Variants in CHD7 observed in about 807,000 individuals in gnomAD.
CHD7 encodes the protein ATP-dependent chromatin remodeler CHD7.
CHD7 carries 24 observed loss-of-function variants against 307.3 expected under a neutral mutation model. The observed-to-expected ratio is 0.08, with a 90% CI of 0.06 to 0.11. The LOEUF (loss-of-function observed/expected upper bound fraction) is 0.11, where lower values mean the gene tolerates loss of function less well. Ranked by LOEUF, CHD7 falls within the 10% of genes least tolerant of loss-of-function variation. The pLI, the probability that CHD7 is intolerant of heterozygous loss-of-function variation, is 1.00. For synonymous variants in CHD7, 1,363 were observed against 1,349.9 expected, an observed-to-expected ratio of 1.01 and a Z score of -0.21; for missense variants, 3,106 against 3,727.1, an observed-to-expected ratio of 0.83 and a Z score of 4.34.
intron 2 of CHD7, among the ~76,000 whole-genome samples, chr8:60,764,367 C>G (rs1489356465): frequency 1.3e-5 from 2 of 152,148 alleles, no homozygotes; most frequent in African/African-American, 4.8e-5. Context: ...AAATCACAAG[C>G]CATTTTGAAT....
chr8:60,741,960 G>A lies in CHD7; in HGVS notation c.528G>A (p.Gly176=), dbSNP rs986970598. ...AGCCACCGCAGCCGGCTCCGTCGGG[G>A]CCCCCTGCACAGGGCCACCCTCAGC... is the stretch of plus-strand genomic sequence containing the variant. ...QPQPPQPAPS[G]PPAQGHPQHM... The change falls in exon 2 of 38, where the codon GGG becomes GGA. Residue 176 remains glycine, a synonymous_variant. Coordinates refer to ENST00000423902, the MANE Select transcript of CHD7 (RefSeq NM_017780.4). The A allele has an allele frequency of 1.9e-6, 3 of 1,613,490 alleles. No homozygotes were observed. The highest frequency in any genetic ancestry group is 2.7e-5 in the African/African-American group (2 of 74,898).
At chr8:60,723,101 TTTTA>T (rs1301951590) in intron 1 of CHD7, among the ~76,000 whole-genome samples, 2 of 152,166 alleles carry the variant, frequency 1.3e-5, no homozygotes, top group Admixed American at 6.5e-5. Flanking sequence ...TGCTGGCATA[TTTTA>T]TTTTTTTTAA....
chr8:60,817,253 T>A (rs1803792880), intron 8 of CHD7, among the ~76,000 whole-genome samples: 1 of 152,238 alleles, frequency 6.6e-6, no homozygotes, highest in South Asian at 2.1e-4. Context: ...GATTTATTAG[T>A]TCCTCTTTTC....
chr8:60,782,756 T>C (rs188380312), intron 3 of CHD7, among the ~76,000 whole-genome samples: 128 of 152,312 alleles, frequency 8.4e-4, no homozygotes, highest in South Asian at 5.8e-3. Context: ...TTAAGAAATA[T>C]TAAGTGCTTA....
intron 2 of CHD7, among the ~76,000 whole-genome samples, chr8:60,760,511 A>C (rs1810130505): frequency 7.0e-6 from 1 of 143,124 alleles, no homozygotes; most frequent in African/African-American, 2.6e-5. Context: ...ATTAAACTAA[A>C]GAGCTTCTGC....
chr8:60,760,680 A>G (rs1275639307), intron 2 of CHD7, among the ~76,000 whole-genome samples: 1 of 151,146 alleles, frequency 6.6e-6, no homozygotes, highest in Non-Finnish European at 1.5e-5. Flanking sequence ...AAAAGTGGAC[A>G]AAGGACATGA....
chr8:60,723,271 T>C (rs1243130892), intron 1 of CHD7, among the ~76,000 whole-genome samples: 1 of 152,246 alleles, frequency 6.6e-6, no homozygotes, highest in African/African-American at 2.4e-5. Flanking sequence ...TGTCAATTGT[T>C]TTCTTGGAAG....
At chr8:60,762,298 T>C (rs1810252518) in intron 2 of CHD7, among the ~76,000 whole-genome samples, 1 of 152,206 alleles carries the variant, frequency 6.6e-6, no homozygotes, top group Non-Finnish European at 1.5e-5. Flanking sequence ...GAAATCCTTA[T>C]GTCTGCAAAG....
rs145798437 is a variant in CHD7, at chr8:60,852,420, G to A, written c.5895-78G>A. The A allele has an allele frequency of 2.9e-3, 4,140 of 1,417,324 alleles. 9 individuals carry two copies. Among genetic ancestry groups the A allele is most frequent in the Middle Eastern group, 5.9e-3 (32 of 5,398 alleles). The allele number at this position is 1,417,324 out of a possible 1,614,324, so 87.8% of individuals were successfully genotyped here. ...AAATAACTACCATGTATAAAGTCTG[G>A]GGGGAAGAAGAAAAGAAACAGTAAA... is the stretch of plus-strand genomic sequence containing the variant. On this transcript the variant is annotated intron_variant, in intron 29 of 37. Coordinates refer to ENST00000423902, the MANE Select transcript of CHD7 (RefSeq NM_017780.4).
At chr8:60,818,992 C>CA (rs1240069929) in intron 8 of CHD7, among the ~76,000 whole-genome samples, 6 of 152,146 alleles carry the variant, frequency 3.9e-5, no homozygotes, top group Admixed American at 3.9e-4. Context: ...CGCCCTCTGT[C>CA]ACCTGGGCTG....
At chr8:60,781,649 A>G (rs1250700755) in intron 3 of CHD7, among the ~76,000 whole-genome samples, 1 of 152,230 alleles carries the variant, frequency 6.6e-6, no homozygotes, top group African/African-American at 2.4e-5. Context: ...ACCTTACTGG[A>G]TACAAATTAA....
At chr8:60,838,052 A>G (rs370219229) in intron 18 of CHD7, 24 bp from the exon 19 acceptor site, 20 of 1,439,186 alleles carry the variant, frequency 1.4e-5, no homozygotes, top group Non-Finnish European at 1.8e-5. Context: ...TATTTTGAGT[A>G]TTTTAAATAT....
intron 2 of CHD7, among the ~76,000 whole-genome samples, chr8:60,744,278 G>A (rs971442709): frequency 1.3e-5 from 2 of 152,100 alleles, no homozygotes; most frequent in African/African-American, 2.4e-5. Context: ...GGACTTAAAC[G>A]GGGAGGGAGC....
chr8:60,772,017 G>A (rs561084825), intron 2 of CHD7, among the ~76,000 whole-genome samples: 7 of 152,132 alleles, frequency 4.6e-5, no homozygotes, highest in African/African-American at 1.7e-4. Flanking sequence ...CTTGAGGGTC[G>A]CAGGTCCCTC....
chr8:60,714,361 A>G (rs990822761), intron 1 of CHD7, among the ~76,000 whole-genome samples: 1 of 130,428 alleles, frequency 7.7e-6, no homozygotes. Flanking sequence ...TCCTGACCGG[A>G]AGGCCGAGCC....
chr8:60,689,453 GTTGT>G (rs1806084520), intron 1 of CHD7, among the ~76,000 whole-genome samples: 1 of 152,194 alleles, frequency 6.6e-6, no homozygotes, highest in Admixed American at 6.5e-5. Flanking sequence ...AGGTGAAGAG[GTTGT>G]TTAATAAATT....
chr8:60,741,645 C>T lies in CHD7; in HGVS notation c.213C>T (p.His71=). Residue 71 remains histidine (H), a synonymous_variant, in exon 2 of 38, where the codon CAC becomes CAT. Coordinates refer to ENST00000423902, the MANE Select transcript of CHD7 (RefSeq NM_017780.4). ...AAACAAAGCTGACACATTTTGATCACTATAATCAGTATGAACAACAAAAGA... is the reference window on the plus strand; with the variant it reads ...AAACAAAGCTGACACATTTTGATCATTATAATCAGTATGAACAACAAAAGA... The part of the protein sequence containing the change: ...QNQTKLTHFD[H]YNQYEQQKMH... 13 of 1,613,792 alleles carry T rather than the reference C, an allele frequency of 8.1e-6. No individual in the cohort carries two copies. The highest frequency in any genetic ancestry group is 1.1e-5 in the Non-Finnish European group (13 of 1,179,778).
At chr8:60,694,406 C>T (rs1210546406) in intron 1 of CHD7, among the ~76,000 whole-genome samples, 1 of 152,154 alleles carries the variant, frequency 6.6e-6, no homozygotes, top group African/African-American at 2.4e-5. Flanking sequence ...CACTTATGAC[C>T]CTGTGGAACA....
intron 1 of CHD7, among the ~76,000 whole-genome samples, chr8:60,736,725 T>C (rs904200262): frequency 2.0e-5 from 3 of 152,178 alleles, no homozygotes; most frequent in Non-Finnish European, 4.4e-5. Flanking sequence ...GTTGGCTGTT[T>C]ATCAAAAAAG....
Sources: allele counts gnomAD v4.1 joint callset (sites outside exome capture counted in the v4.1 genomes callset), GRCh38; gene constraint gnomAD v4.1.1; transcripts MANE v1.5; gene names NCBI Gene and HGNC (gene_info 2026-07-23, HGNC 2026-07-21).